Variants in ASCC2 observed in about 807,000 individuals in gnomAD.
ASCC2 encodes activating signal cointegrator 1 complex subunit 2.
In ASCC2, 42 loss-of-function variants were observed where a neutral mutation model predicts 93.5. That is an observed-to-expected ratio of 0.45 (90% CI 0.35 to 0.58). The LOEUF is 0.58. ASCC2 is among the 20% of genes least tolerant of loss of function. The pLI, the probability that ASCC2 is intolerant of heterozygous loss-of-function variation, is 0.00. For missense variants in ASCC2, 859 were observed against 977.6 expected (o/e 0.88, Z 1.62); for synonymous variants, 364 against 384.2 (o/e 0.95, Z 0.62).
rs201851752 is a variant in ASCC2 at position 29,804,821 on chromosome 22, C to T, written c.1170G>A (p.Thr390=). 4.9e-5 allele frequency: 79 copies of T among 1,613,200 alleles called. No homozygotes were observed. Among genetic ancestry groups the T allele is most frequent in the Non-Finnish European group, 5.4e-5 (64 of 1,179,354 alleles). ...LQQASSVLDE[T]RTAYILQAVE... ...CTGCCTGGAGGATGTAGGCAGTCCG[C>T]GTCTCGTCCCTGTGAGGACTTGTTA... The change falls in exon 13 of 20, where the codon ACG becomes ACA. Residue 390 remains threonine (T), a synonymous_variant. Coordinates refer to ENST00000307790, the MANE Select transcript of ASCC2 (RefSeq NM_032204.5).
rs779965081 is a variant in ASCC2 at position 29,806,446 on chromosome 22, G to A, written c.1085+39C>T. 6 of 1,604,162 alleles carry A rather than the reference G, an allele frequency of 3.7e-6. No individual in the cohort carries two copies. In the South Asian group the frequency reaches 6.6e-5, roughly 18 times the overall value. ...CATGTAAGGCCTCTTGGGGACCTGT[G>A]GGAGGGTCATGGGCCCAGGCCAGCT... On this transcript the variant is annotated intron_variant, in intron 11 of 19. Transcript: ENST00000307790.
At chr22:29,804,408 C>T (rs1273048376) in intron 13 of ASCC2, among the ~76,000 whole-genome samples, 2 of 152,162 alleles carry the variant, frequency 1.3e-5, no homozygotes, top group Non-Finnish European at 2.9e-5. Context: ...GCTAAGGCTT[C>T]GATAGTTGAA....
intron 5 of ASCC2, among the ~76,000 whole-genome samples, chr22:29,816,339 A>C (rs1229014262): frequency 6.6e-6 from 1 of 152,138 alleles, no homozygotes; most frequent in Non-Finnish European, 1.5e-5. Flanking sequence ...GAATTACATA[A>C]AAGACCCGCC....
In ASCC2 at chr22:29,813,538, A is replaced by G; in HGVS notation, c.725T>C (p.Leu242Ser). Residue 242 changes from leucine (L) to serine (S), a missense_variant, in exon 8 of 20, where the codon TTA becomes TCA. By Grantham distance (145) the Leu-to-Ser change is moderately radical. Coordinates refer to ENST00000307790, the MANE Select transcript of ASCC2 (RefSeq NM_032204.5). ...LTPSDMPLLE[L>S]KDIVLYLCDT... is the part of the protein sequence containing the mutation. Reference sequence around the variant, plus strand: ...ACAAAGGTAGAGAACAATGTCCTTTAATTCCTGTTGCCAAAAGAATACACT... The same window carrying G: ...ACAAAGGTAGAGAACAATGTCCTTTGATTCCTGTTGCCAAAAGAATACACT... The G allele has an allele frequency of 6.2e-7, 1 of 1,605,004 alleles. No homozygotes were observed. Among genetic ancestry groups the G allele is most frequent in the Non-Finnish European group, 8.5e-7 (1 of 1,171,806 alleles).
At chr22:29,812,930 G>C (rs2060443658) in intron 8 of ASCC2, among the ~76,000 whole-genome samples, 1 of 151,402 alleles carries the variant, frequency 6.6e-6, no homozygotes, top group Non-Finnish European at 1.5e-5. Flanking sequence ...CACCCAGGGT[G>C]GAGTGCAGTG....
intron 2 of ASCC2, among the ~76,000 whole-genome samples, chr22:29,830,848 G>C (rs1366255946): frequency 6.6e-6 from 1 of 152,202 alleles, no homozygotes; most frequent in Admixed American, 6.5e-5. Context: ...CTGGAAATCA[G>C]GAGTAAAGGG....
chr22:29,812,090 T>C (rs1166799095), intron 8 of ASCC2, among the ~76,000 whole-genome samples: 2 of 152,210 alleles, frequency 1.3e-5, no homozygotes, highest in African/African-American at 2.4e-5. Context: ...GTCTGATTTT[T>C]ATAAGCTGAG....
intron 2 of ASCC2, among the ~76,000 whole-genome samples, chr22:29,830,562 C>T (rs2063003160): frequency 2.7e-5 from 1 of 37,136 alleles, no homozygotes; most frequent in African/African-American, 1.2e-4. Context: ...CTGCACGTAC[C>T]CTCCCACCAG....
chr22:29,791,799 CTG>C (rs2057779822), intron 18 of ASCC2, among the ~76,000 whole-genome samples: 5 of 152,192 alleles, frequency 3.3e-5, no homozygotes, highest in Admixed American at 3.3e-4. Context: ...AACTCTGAGT[CTG>C]TGCTTGCACC....
chr22:29,814,073 T>C (rs1295303654), intron 7 of ASCC2, among the ~76,000 whole-genome samples: 1 of 152,222 alleles, frequency 6.6e-6, no homozygotes, highest in Non-Finnish European at 1.5e-5. Context: ...TAAAATGATT[T>C]GCTCCCACAG....
intron 8 of ASCC2, among the ~76,000 whole-genome samples, chr22:29,811,887 A>G (rs552644062): frequency 1.3e-5 from 2 of 152,370 alleles, no homozygotes; most frequent in Non-Finnish European, 2.9e-5. Context: ...TTCTAAGAAT[A>G]GTATGATTTC....
chr22:29,793,512 T>C, intron 16 of ASCC2, 22 bp from the exon 17 acceptor site: 2 of 1,613,912 alleles, frequency 1.2e-6, no homozygotes, highest in South Asian at 1.1e-5. Context: ...TAAGCATGGG[T>C]CTGGGGGGCT....
intron 4 of ASCC2, among the ~76,000 whole-genome samples, chr22:29,824,457 A>G (rs2062025322): frequency 1.3e-5 from 2 of 152,042 alleles, no homozygotes; most frequent in South Asian, 4.1e-4. Flanking sequence ...TCTACTAAAA[A>G]TCAAATAAAT....
intron 12 of ASCC2, among the ~76,000 whole-genome samples, chr22:29,805,705 G>T (rs1213157236): frequency 6.6e-6 from 1 of 152,014 alleles, no homozygotes; most frequent in Non-Finnish European, 1.5e-5. Context: ...TGGCTCTAAG[G>T]AGCCTGTTTT....
chr22:29,826,553 C>T (rs1319298381), intron 2 of ASCC2, among the ~76,000 whole-genome samples: 1 of 152,098 alleles, frequency 6.6e-6, no homozygotes, highest in Non-Finnish European at 1.5e-5. Context: ...TCAAGCCATC[C>T]GCCTGCCTTG....
chr22:29,804,917 T>A, intron 12 of ASCC2, 87 bp from the exon 13 acceptor site: 5 of 1,432,748 alleles, frequency 3.5e-6, no homozygotes, highest in Non-Finnish European at 4.8e-6. Flanking sequence ...TCTGACCACA[T>A]GGTTCCTGCC....
chr22:29,821,735 C>T (rs1242665387), intron 5 of ASCC2, among the ~76,000 whole-genome samples: 1 of 152,214 alleles, frequency 6.6e-6, no homozygotes, highest in Non-Finnish European at 1.5e-5. Context: ...GTGGCTTACA[C>T]TGTAATCTCA....
At chr22:29,793,210 TG>T (rs2147381128) in intron 17 of ASCC2, 149 bp downstream of exon 17, 11 of 1,052,014 alleles carry the variant, frequency 1.0e-5, no homozygotes, top group Admixed American at 4.7e-5. Context: ...CCATTCAGGG[TG>T]GGCTGGGGTG....
chr22:29,834,526 A>G (rs761316648), intron 1 of ASCC2: 45 of 471,120 alleles, frequency 9.6e-5, no homozygotes, highest in South Asian at 6.3e-4. Flanking sequence ...TCAGACACAC[A>G]TGGTCTCTGC....
Sources: allele counts gnomAD v4.1 joint callset (sites outside exome capture counted in the v4.1 genomes callset), GRCh38; gene constraint gnomAD v4.1.1; transcripts MANE v1.5; gene names NCBI Gene and HGNC (gene_info 2026-07-23, HGNC 2026-07-21).